SLC27A4: variants seen among roughly 807,000 people sequenced by gnomAD.
SLC27A4 encodes solute carrier family 27 member 4.
Under a neutral mutation model 64.4 loss-of-function variants are expected in SLC27A4, and 33 were observed. The observed-to-expected ratio is 0.51, with a 90% CI of 0.39 to 0.68. The LOEUF (loss-of-function observed/expected upper bound fraction) is 0.68, where lower values mean the gene tolerates loss of function less well. Among genes scored for constraint, SLC27A4 ranks in the 30% least tolerant of loss-of-function variants. The pLI is 0.00. For synonymous variants in SLC27A4, 377 were observed against 370.0 expected (o/e 1.02, Z -0.22); for missense variants, 824 against 883.5 (o/e 0.93, Z 0.85).
chr9:128,355,120 C>A lies in SLC27A4; in HGVS notation c.1392C>A (p.Leu464=), dbSNP rs1275115542. The part of the protein sequence containing the change: ...KDPLRRFDGY[L]NQGANNKKIA... ...CCCTGCGCCGCTTCGATGGCTACCT[C>A]AACCAGGGCGCCAACAACAAGAAGA... Residue 464 remains leucine, a synonymous_variant, in exon 10 of 13, where the codon CTC becomes CTA. Coordinates refer to ENST00000300456, the MANE Select transcript of SLC27A4 (RefSeq NM_005094.4). 1 of 1,613,570 alleles carries A rather than the reference C, an allele frequency of 6.2e-7. No homozygotes were observed. The highest frequency in any genetic ancestry group is 2.2e-5 in the East Asian group (1 of 44,886).
chr9:128,342,145 A>G, intron 1 of SLC27A4: 1 of 987,256 alleles, frequency 1.0e-6, no homozygotes, highest in Non-Finnish European at 1.6e-6. Flanking sequence ...CTCTTAGAAC[A>G]CGTCTCAGGA....
chr9:128,355,328 G>A lies in SLC27A4; in HGVS notation c.1463-70G>A, dbSNP rs1004751529. 1.4e-5 allele frequency: 22 copies of A among 1,607,442 alleles called. No individual in the cohort carries two copies. The African/African-American group carries it at 2.5e-4, about 19-fold the overall frequency. On this transcript the variant is annotated intron_variant, in intron 10 of 12. Coordinates refer to ENST00000300456, the MANE Select transcript of SLC27A4 (RefSeq NM_005094.4). ...AAACAAATCCTTGGGCTCCAGCAAAGCCTCCCTGGCTTGAGCCCTGGTCTC... is the reference window on the plus strand; with the variant it reads ...AAACAAATCCTTGGGCTCCAGCAAAACCTCCCTGGCTTGAGCCCTGGTCTC...
Position 128,355,762 on chromosome 9 carries a change from C to G in SLC27A4, c.1740C>G (p.Ile580Met), listed in dbSNP as rs1301901715. The G allele has an allele frequency of 9.3e-6, 15 of 1,613,688 alleles. No individual in the cohort carries two copies. The East Asian group carries it at 3.3e-4, about 36-fold the overall frequency. ...AACTGCCCCTGTATGCGCGCCCCAT[C>G]TTCCTGCGCCTCCTGCCTGAGCTGC... The part of the protein sequence containing the change: ...EKELPLYARP[I>M]FLRLLPELHK... The change falls in exon 12 of 13, where the codon ATC becomes ATG. Residue 580 changes from isoleucine to methionine, a missense_variant. By Grantham distance (10) the Ile-to-Met change is conservative (BLOSUM62 1). Coordinates refer to ENST00000300456, the MANE Select transcript of SLC27A4 (RefSeq NM_005094.4).
chr9:128,342,806 G>T, intron 1 of SLC27A4: 1 of 482,146 alleles, frequency 2.1e-6, no homozygotes, highest in Non-Finnish European at 3.9e-6. Context: ...TTGCACAGAG[G>T]GCAGATACTA....
At position 128,355,480 on chromosome 9, in the gene SLC27A4, C is replaced by T. The variant is rs2240952; in HGVS notation, c.1545C>T (p.Asn515=). The stretch of plus-strand genomic sequence containing the variant: ...ACACGTTCCGCTGGAAAGGTGAGAA[C>T]GTGTCCACCACCGAGGTGGAAGGCA... The part of the protein sequence containing the change: ...TGDTFRWKGE[N]VSTTEVEGTL... The change falls in exon 11 of 13, where the codon AAC becomes AAT. Residue 515 remains asparagine (N), a synonymous_variant. Coordinates refer to ENST00000300456, the MANE Select transcript of SLC27A4 (RefSeq NM_005094.4). 1.0e-3 allele frequency: 1,613 copies of T among 1,612,632 alleles called. 18 individuals are homozygous for T. In the East Asian group the frequency reaches 0.024, roughly 24 times the overall value.
Position 128,345,064 on chromosome 9 carries a change from T to C in SLC27A4, c.162-91T>C, listed in dbSNP as rs1392617020. 3 of 1,521,864 alleles carry C rather than the reference T, an allele frequency of 2.0e-6. No homozygotes were observed. In the Admixed American group the frequency reaches 5.1e-5, roughly 26 times the overall value. The allele number at this position is 1,521,864 out of a possible 1,614,324, so 94.3% of individuals were successfully genotyped here. The stretch of plus-strand genomic sequence containing the variant: ...TGTAGGGGGTCTGGCTCATGAAGCA[T>C]AGGCTGGCGAGGCAGCAGCCTGGGG... On this transcript the variant is annotated intron_variant, in intron 2 of 12. Coordinates refer to ENST00000300456, the MANE Select transcript of SLC27A4 (RefSeq NM_005094.4). The surrounding 1 kb of genome is among the most constrained non-coding windows in gnomAD (Gnocchi z 4.1).
chr9:128,342,166 G>A, intron 1 of SLC27A4: 2 of 1,209,312 alleles, frequency 1.7e-6, no homozygotes, highest in South Asian at 1.2e-5. Context: ...CAACTCGGTG[G>A]TGGCCACTGC....
rs775243293 is a variant in SLC27A4, at chr9:128,350,467, G to A, written c.786-17G>A. ...CTTTCTAGGGCCCGCTCAGCCCTTG[G>A]CCCTGTGCCTTCCCAGGTATTACCG... On this transcript the variant is annotated splice_polypyrimidine_tract_variant and intron_variant, in intron 5 of 12. Coordinates refer to ENST00000300456, the MANE Select transcript of SLC27A4 (RefSeq NM_005094.4). 6 of 1,613,524 alleles carry A rather than the reference G, an allele frequency of 3.7e-6. No homozygotes were observed. Among genetic ancestry groups the A allele is most frequent in the Admixed American group, 3.3e-5 (2 of 60,006 alleles).
chr9:128,359,805 A>G (rs1832872603), intron 12 of SLC27A4, among the ~76,000 whole-genome samples: 1 of 152,176 alleles, frequency 6.6e-6, no homozygotes, highest in South Asian at 2.1e-4. Flanking sequence ...ACCCTGTCTC[A>G]ATAAAAAAGA....
At chr9:128,352,120 G>A (rs556895469) in intron 6 of SLC27A4, among the ~76,000 whole-genome samples, 17 of 152,060 alleles carry the variant, frequency 1.1e-4, no homozygotes, top group Admixed American at 7.2e-4. Flanking sequence ...GCATGAACCC[G>A]GAAGGCGGAG....
At position 128,361,242 on chromosome 9, in the gene SLC27A4, C is replaced by G. The variant is rs1285547160; in HGVS notation, c.*751C>G. On this transcript the variant is annotated 3_prime_UTR_variant, in exon 13 of 13. Coordinates refer to ENST00000300456, the MANE Select transcript of SLC27A4 (RefSeq NM_005094.4). ...CCTCCTAGCCTGTGTGCAAACCACC[C>G]AAGCCCACCCTGACCCCAGAACCCC... 1 of 153,112 alleles carries G rather than the reference C, an allele frequency of 6.5e-6. No homozygotes were observed. The highest frequency in any genetic ancestry group is 2.4e-5 in the African/African-American group (1 of 41,428). The allele number at this position is 153,112 out of a possible 1,614,324, so 9.5% of individuals were successfully genotyped here.
At position 128,348,549 on chromosome 9, in the gene SLC27A4, C is replaced by T. The variant is rs1329626843; in HGVS notation, c.561C>T (p.Ile187=). ...LVFGSEMASA[I]CEVHASLDPS... ...GACTGCCCTGTCTCCCCACAGCCAT[C>T]TGTGAGGTCCATGCCAGCCTGGACC... The change falls in exon 4 of 13, where the codon ATC becomes ATT. Residue 187 remains isoleucine, a synonymous_variant. Coordinates refer to ENST00000300456, the MANE Select transcript of SLC27A4 (RefSeq NM_005094.4). 6.2e-7 allele frequency: 1 copy of T among 1,613,130 alleles called. No homozygotes were observed. Among genetic ancestry groups the T allele is most frequent in the Non-Finnish European group, 8.5e-7 (1 of 1,180,042 alleles).
Position 128,343,194 on chromosome 9 carries a change from C to T in SLC27A4, c.62C>T (p.Pro21Leu), listed in dbSNP as rs747605672. The T allele has an allele frequency of 1.2e-6, 2 of 1,614,144 alleles. No individual in the cohort carries two copies. The highest frequency in any genetic ancestry group is 1.7e-5 in the Admixed American group (1 of 60,022). Residue 21 changes from proline to leucine, a missense_variant, in exon 2 of 13, where the codon CCC becomes CTC. Physicochemically the swap from Pro to Leu is moderately conservative, Grantham distance 98. Coordinates refer to ENST00000300456, the MANE Select transcript of SLC27A4 (RefSeq NM_005094.4). The stretch of plus-strand genomic sequence containing the variant: ...TTCTCCAAGCTGGTGCTGAAACTGC[C>T]CTGGACCCAGGTGGGATTCTCCCTG... ...LLFSKLVLKL[P>L]WTQVGFSLLF... is the part of the protein sequence containing the mutation.
At chr9:128,357,463 G>C (rs1454986449) in intron 12 of SLC27A4, among the ~76,000 whole-genome samples, 3 of 152,138 alleles carry the variant, frequency 2.0e-5, no homozygotes, top group Middle Eastern at 3.4e-3. Context: ...CTTAGCAGGT[G>C]GGAACCTGGT....
In SLC27A4 at chr9:128,353,652, C is replaced by T; in HGVS notation, c.1324+111C>T. 3.6e-6 allele frequency: 4 copies of T among 1,118,854 alleles called. No individual in the cohort carries two copies. Among genetic ancestry groups the T allele is most frequent in the Non-Finnish European group, 5.1e-6 (4 of 778,268 alleles). 69.3% of individuals were successfully genotyped at this position (1,118,854 alleles called of 1,614,324 possible). On this transcript the variant is annotated intron_variant, in intron 9 of 12. Coordinates refer to ENST00000300456, the MANE Select transcript of SLC27A4 (RefSeq NM_005094.4). This position sits in a 1 kb window ranked among gnomAD's most constrained non-coding sequence, Gnocchi z 4.9. ...CCAGTGGCCATCAGTTATCTCTGCT[C>T]TTAGGGTTACAAGTTACTCATTTAT...
At chr9:128,358,818 G>A (rs1832857724) in intron 12 of SLC27A4, among the ~76,000 whole-genome samples, 1 of 152,122 alleles carries the variant, frequency 6.6e-6, no homozygotes, top group South Asian at 2.1e-4. Flanking sequence ...CCCTCACCTG[G>A]GATGGCTCAT....
At position 128,348,673 on chromosome 9, in the gene SLC27A4, C is replaced by G. The variant is rs761566381; in HGVS notation, c.685C>G (p.Leu229Val). ...DPLLKDAPKH[L>V]PSCPDKGFTD... is the part of the protein sequence containing the mutation. ...TCTGCTGAAAGATGCTCCCAAGCACCTTCCCAGTTGCCCTGACAAGGGCTT... is the reference window on the plus strand; with the variant it reads ...TCTGCTGAAAGATGCTCCCAAGCACGTTCCCAGTTGCCCTGACAAGGGCTT... Residue 229 changes from leucine (L) to valine (V), a missense_variant, in exon 4 of 13, where the codon CTT (leucine) becomes GTT (valine). Physicochemically the swap from Leu to Val is conservative, Grantham distance 32 (BLOSUM62 1). Transcript: ENST00000300456. 1 of 1,614,100 alleles carries G rather than the reference C, an allele frequency of 6.2e-7. No homozygotes were observed. Among genetic ancestry groups the G allele is most frequent in the Admixed American group, 1.7e-5 (1 of 60,034 alleles).
At chr9:128,352,293 C>T (rs1832748754) in intron 6 of SLC27A4, among the ~76,000 whole-genome samples, 1 of 152,122 alleles carries the variant, frequency 6.6e-6, no homozygotes, top group Non-Finnish European at 1.5e-5. Flanking sequence ...GGGCCTGTCT[C>T]ATTTCAGTTT....
chr9:128,360,573 G>T lies in SLC27A4; in HGVS notation c.*82G>T. ...CCCAGAGCGGTCCTGGACAAGGCCA[G>T]ACCAAAGCAAGCAGGGCCTGGCACC... is the stretch of plus-strand genomic sequence containing the variant. On this transcript the variant is annotated 3_prime_UTR_variant, in exon 13 of 13. Transcript: ENST00000300456. The T allele has an allele frequency of 6.6e-7, 1 of 1,514,676 alleles. No homozygotes were observed. The highest frequency in any genetic ancestry group is 9.1e-7 in the Non-Finnish European group (1 of 1,100,674). 93.8% of individuals were successfully genotyped at this position (1,514,676 alleles called of 1,614,324 possible).
Sources: allele counts gnomAD v4.1 joint callset (sites outside exome capture counted in the v4.1 genomes callset), GRCh38; gene constraint gnomAD v4.1.1; non-coding constraint Gnocchi (gnomAD v3.1); transcripts MANE v1.5; gene names NCBI Gene and HGNC (gene_info 2026-07-23, HGNC 2026-07-21).